Variants in SPON2 observed in about 807,000 individuals in gnomAD.
SPON2 encodes the protein spondin 2, also known as spondin-2.
In SPON2, 32 loss-of-function variants were observed where a neutral mutation model predicts 29.9. That is an observed-to-expected ratio of 1.07 (90% CI 0.81 to 1.44). The LOEUF (loss-of-function observed/expected upper bound fraction) is 1.44. SPON2 is among the 40% of genes most tolerant of loss of function. SPON2 has a pLI of 0.00. For synonymous variants in SPON2, 248 were observed against 209.1 expected, an observed-to-expected ratio of 1.19 and a Z score of -1.61; for missense variants, 541 against 455.5, an observed-to-expected ratio of 1.19 and a Z score of -1.71.
At chr4:1,192,587 A>G (rs1039864690) in intron 1 of SPON2, among the ~76,000 whole-genome samples, 1 of 152,156 alleles carries the variant, frequency 6.6e-6, no homozygotes, top group Non-Finnish European at 1.5e-5. Flanking sequence ...AGCAGCACAG[A>G]GCAGCAGAGG....
chr4:1,170,770 C>T lies in SPON2; in HGVS notation c.637-194G>A, dbSNP rs756494211. ...ACCGAGGCCAGGAAGGGGCAGCCTCCTCGGGACGCGCGTCCCGCTGTCCTC... is the reference window on the plus strand; with the variant it reads ...ACCGAGGCCAGGAAGGGGCAGCCTCTTCGGGACGCGCGTCCCGCTGTCCTC... On this transcript the variant is annotated intron_variant, in intron 4 of 5. Coordinates refer to ENST00000290902, the MANE Select transcript of SPON2 (RefSeq NM_012445.4). 7.1e-5 allele frequency: 67 copies of T among 949,154 alleles called. No homozygotes were observed. In the African/African-American group the frequency reaches 8.6e-4, roughly 12 times the overall value. The allele number at this position is 949,154 out of a possible 1,614,324, so 58.8% of individuals were successfully genotyped here. A position where few individuals can be genotyped will look rare whatever the true frequency, so the allele number is the denominator to read the frequency against.
chr4:1,207,274 T>G (rs1486101919), intron 1 of SPON2, among the ~76,000 whole-genome samples: 1 of 152,056 alleles, frequency 6.6e-6, no homozygotes, highest in Non-Finnish European at 1.5e-5. Context: ...GGGAGGGATG[T>G]GGGTGAGTCC....
intron 1 of SPON2, chr4:1,207,796 G>A (rs1728382126): frequency 6.5e-6 from 1 of 154,270 alleles, no homozygotes; most frequent in Admixed American, 6.5e-5. Flanking sequence ...GGAAGCCCTT[G>A]GCCCGTTTGA....
chr4:1,170,053 G>T, intron 5 of SPON2: 1 of 263,652 alleles, frequency 3.8e-6, no homozygotes, highest in South Asian at 4.2e-5. Flanking sequence ...CTGTCACCCG[G>T]TGGCCACACA....
At chr4:1,178,555 C>T (rs1310415687) in intron 2 of SPON2, among the ~76,000 whole-genome samples, 3 of 152,144 alleles carry the variant, frequency 2.0e-5, no homozygotes, top group Non-Finnish European at 4.4e-5. Flanking sequence ...GGCCTTTGCA[C>T]GTGCAGCTCT....
rs975445991 is a variant in SPON2, at chr4:1,186,105, G to A, written c.-238-6564C>T. Among the ~76,000 whole-genome samples the A allele has an allele frequency of 2.5e-4, 38 of 150,100 alleles. 1 individual carries two copies. Among genetic ancestry groups the A allele is most frequent in the Middle Eastern group, 3.4e-3 (1 of 292 alleles). ...TAAAAATACAAAAAATTAGCCGGGC[G>A]TGGTGGTGGGCGCCTGTAGTCCCAG... On this transcript the variant is annotated intron_variant, in intron 1 of 3. Transcript: ENST00000502483.
At chr4:1,196,240 T>G (rs1454236744), upstream of SPON2, among the ~76,000 whole-genome samples, 1 of 152,094 alleles carries the variant, frequency 6.6e-6, no homozygotes, top group Admixed American at 6.5e-5. Flanking sequence ...TGTTCCAGGG[T>G]CAGAGAGACC....
intron 5 of SPON2, chr4:1,167,954 C>T (rs1264359942): frequency 5.9e-6 from 2 of 338,230 alleles, no homozygotes; most frequent in Non-Finnish European, 1.1e-5. Context: ...CCCCTGGGAA[C>T]CCCGTGGGAA....
At chr4:1,192,615 G>A (rs1333434218) in intron 1 of SPON2, among the ~76,000 whole-genome samples, 6 of 152,154 alleles carry the variant, frequency 3.9e-5, no homozygotes, top group Admixed American at 2.6e-4. Flanking sequence ...AGGCTAAGCC[G>A]GAGCTGCCCG....
At chr4:1,196,562 G>A (rs1156301505), upstream of SPON2, among the ~76,000 whole-genome samples, 1 of 152,170 alleles carries the variant, frequency 6.6e-6, no homozygotes, top group Non-Finnish European at 1.5e-5. Context: ...GACCAGGGTT[G>A]CTGCCTGCCT....
upstream of SPON2, among the ~76,000 whole-genome samples, chr4:1,176,831 T>A (rs1287142020): frequency 4.0e-5 from 5 of 125,484 alleles, no homozygotes; most frequent in Non-Finnish European, 8.4e-5. Flanking sequence ...CATTCATTCA[T>A]TCACACAGTT....
rs562677628 is a variant in SPON2, at chr4:1,171,683, C to T, written c.220+169G>A. 2.9e-5 allele frequency: 22 copies of T among 761,178 alleles called. No homozygotes were observed. In the African/African-American group the frequency reaches 2.9e-4, roughly 10 times the overall value. The allele number at this position is 761,178 out of a possible 1,614,324, so 47.2% of individuals were successfully genotyped here. A position where few individuals can be genotyped will look rare whatever the true frequency, so the allele number is the denominator to read the frequency against. ...TCCCCGTGAGCGCCCCCTGCCCCCA[C>T]CGCATCCCCGGAACCGCACACCGCA... On this transcript the variant is annotated intron_variant, in intron 2 of 5. Transcript: ENST00000290902.
At chr4:1,170,688 G>C (rs1290770158) in intron 4 of SPON2, 112 bp from the exon 5 acceptor site, 1 of 1,282,576 alleles carries the variant, frequency 7.8e-7, no homozygotes, top group Non-Finnish European at 1.1e-6. Context: ...CTGCACCACT[G>C]TTGGGGACAG....
At chr4:1,185,917 G>T (rs1221918393) in intron 1 of SPON2, among the ~76,000 whole-genome samples, 3 of 152,124 alleles carry the variant, frequency 2.0e-5, no homozygotes, top group African/African-American at 7.2e-5. Flanking sequence ...TAGACAAAGT[G>T]GACGTCATGA....
chr4:1,168,432 A>G (rs1233740798), intron 5 of SPON2, among the ~76,000 whole-genome samples: 2 of 152,202 alleles, frequency 1.3e-5, no homozygotes, highest in African/African-American at 4.8e-5. Flanking sequence ...CTGAAGGATG[A>G]GAGAGAGTGG....
intron 1 of SPON2, among the ~76,000 whole-genome samples, chr4:1,185,708 C>CCAAAAAAAAAAAAAA (rs764779944): frequency 2.9e-5 from 2 of 69,648 alleles, no homozygotes; most frequent in Non-Finnish European, 5.4e-5. Context: ...ACTCCATCTC[C>CCAAAAAAAAAAAAAA]AAAAAAAAAA....
chr4:1,174,512 A>AAAAAAAAAAAAAAAAAAAAAAC (rs1560203869), upstream of SPON2, among the ~76,000 whole-genome samples: 1 of 148,760 alleles, frequency 6.7e-6, no homozygotes, highest in Non-Finnish European at 1.5e-5. Flanking sequence ...ACAAAAAAAC[A>AAAAAAAAAAAAAAAAAAAAAAC]AAAAACAAAA....
At chr4:1,174,412 A>AG (rs202183459), upstream of SPON2, among the ~76,000 whole-genome samples, 1,771 of 148,330 alleles carry the variant, frequency 0.012, 46 homozygotes, top group Admixed American at 0.06. Flanking sequence ...TCTTGAACCC[A>AG]GGGGGCAGGG....
At chr4:1,203,992 T>A (rs985521110) in intron 1 of SPON2, among the ~76,000 whole-genome samples, 8 of 152,190 alleles carry the variant, frequency 5.3e-5, no homozygotes, top group African/African-American at 1.9e-4. Context: ...TGCCTCTGCC[T>A]CCTGAGTAGC....
Sources: gnomAD v4.1 joint callset for allele counts (sites outside exome capture counted in the v4.1 genomes callset) on GRCh38, gnomAD v4.1.1 for gene constraint, MANE v1.5 for transcripts, NCBI Gene and HGNC (gene_info 2026-07-23, HGNC 2026-07-21) for gene names.